RBM19: variants seen among roughly 807,000 people sequenced by gnomAD.
RBM19 encodes the protein RNA binding motif protein 19.
In RBM19, 94 loss-of-function variants were observed where a neutral mutation model predicts 116.8. The observed-to-expected ratio is 0.80, with a 90% confidence interval of 0.68 to 0.95. The LOEUF is 0.95. RBM19 is among the 40% of genes least tolerant of loss of function. The probability of loss-of-function intolerance (pLI) is 0.00; values close to 1 mark genes in which losing one functional copy is unlikely to be tolerated. For synonymous variants in RBM19, 475 were observed against 494.1 expected, an observed-to-expected ratio of 0.96 and a Z score of 0.51; for missense variants, 1,161 against 1,220.7, an observed-to-expected ratio of 0.95 and a Z score of 0.73.
chr12:113,877,633 G>T (rs2135781615), intron 21 of RBM19, among the ~76,000 whole-genome samples: 1 of 152,350 alleles, frequency 6.6e-6, no homozygotes, highest in South Asian at 2.1e-4. Flanking sequence ...AGGAAGTGCT[G>T]AAGGGAAGAT....
chr12:113,953,323 A>T lies in RBM19; in HGVS notation c.922-733T>A, dbSNP rs148204056. Among the ~76,000 whole-genome samples the T allele has an allele frequency of 4.0e-3, 603 of 152,326 alleles. 13 individuals are homozygous for T. Among genetic ancestry groups the T allele is most frequent in the Admixed American group, 0.036 (545 of 15,298 alleles). On this transcript the variant is annotated intron_variant, in intron 7 of 23. Coordinates refer to ENST00000261741, the MANE Select transcript of RBM19 (RefSeq NM_016196.4). ...GCCAACATGGTGAAACGCTGTCTCT[A>T]CTAAAAATACAAAAATTAGCTGGAC...
At chr12:113,856,314 G>C (rs1461008722) in intron 22 of RBM19, among the ~76,000 whole-genome samples, 1 of 152,194 alleles carries the variant, frequency 6.6e-6, no homozygotes, top group African/African-American at 2.4e-5. Context: ...CGAGCCACCT[G>C]GGCACTTGGT....
intron 21 of RBM19, among the ~76,000 whole-genome samples, chr12:113,880,643 C>T (rs1220173366): frequency 6.6e-6 from 1 of 152,166 alleles, no homozygotes; most frequent in Non-Finnish European, 1.5e-5. Flanking sequence ...CTCTGCTAGC[C>T]TCCCGTCAGA....
chr12:113,962,458 C>G (rs753109112), intron 1 of RBM19, 44 bp from the exon 2 acceptor site: 38 of 1,572,556 alleles, frequency 2.4e-5, no homozygotes, highest in Admixed American at 6.7e-5. Flanking sequence ...GGAAAGTCCC[C>G]AGAGCAAGGG....
At position 113,903,515 on chromosome 12, in the gene RBM19, T is replaced by C. The variant is rs1218765346; in HGVS notation, c.2558+11454A>G. On this transcript the variant is annotated intron_variant, in intron 21 of 23. Coordinates refer to ENST00000261741, the MANE Select transcript of RBM19 (RefSeq NM_016196.4). This position sits in a 1 kb window ranked among gnomAD's most constrained non-coding sequence, Gnocchi z 5.1. ...TGGGTCATAGAGAAAGTGCACGTTT[T>C]ACTTTGTAAGAAACTGCCCACACTT... Among the ~76,000 whole-genome samples the C allele has an allele frequency of 6.6e-6, 1 of 152,252 alleles. No individual in the cohort carries two copies. The highest frequency in any genetic ancestry group is 1.5e-5 in the Non-Finnish European group (1 of 68,048).
intron 13 of RBM19, among the ~76,000 whole-genome samples, 193 bp from the exon 14 acceptor site, chr12:113,942,627 G>A (rs978942300): frequency 1.3e-5 from 2 of 148,744 alleles, no homozygotes; most frequent in Non-Finnish European, 3.0e-5. Flanking sequence ...GAAGGACAGG[G>A]TCTCACTCTG....
chr12:113,846,927 G>A (rs559507437), intron 22 of RBM19, among the ~76,000 whole-genome samples: 9 of 152,118 alleles, frequency 5.9e-5, no homozygotes, highest in Non-Finnish European at 1.3e-4. Flanking sequence ...TGCCCAGGCT[G>A]GTCTTGAACT....
chr12:113,878,735 C>T (rs776865981), intron 21 of RBM19, among the ~76,000 whole-genome samples: 13 of 147,148 alleles, frequency 8.8e-5, no homozygotes, highest in South Asian at 2.2e-4. Flanking sequence ...GTCACCTATG[C>T]GGAGGCCCAT....
At chr12:113,864,729 A>G (rs372514339) in intron 21 of RBM19, among the ~76,000 whole-genome samples, 1 of 152,156 alleles carries the variant, frequency 6.6e-6, no homozygotes, top group African/African-American at 2.4e-5. Context: ...CTATCATCTA[A>G]AATTCTCACT....
intron 21 of RBM19, among the ~76,000 whole-genome samples, chr12:113,901,818 G>A (rs1881720487): frequency 6.6e-6 from 1 of 152,066 alleles, no homozygotes; most frequent in African/African-American, 2.4e-5. Flanking sequence ...CCCAGCCCCA[G>A]GAATTCCTTC....
At chr12:113,830,782 C>T (rs1008271504) in intron 23 of RBM19, among the ~76,000 whole-genome samples, 3 of 152,154 alleles carry the variant, frequency 2.0e-5, no homozygotes, top group Admixed American at 6.5e-5. Context: ...TGGAGGAATC[C>T]CCCAAGTCTT....
chr12:113,918,326 G>A (rs1026496278), intron 20 of RBM19, 66 bp downstream of exon 20: 1 of 1,520,834 alleles, frequency 6.6e-7, no homozygotes, highest in South Asian at 1.1e-5. Context: ...AGCCTCCAGG[G>A]TGGCCGGCAC....
chr12:113,951,510 G>C (rs1359165830), intron 8 of RBM19, among the ~76,000 whole-genome samples: 1 of 150,272 alleles, frequency 6.7e-6, no homozygotes, highest in African/African-American at 2.5e-5. Context: ...TGGTGAGACA[G>C]GTTTACCTGA....
At chr12:113,931,097 T>C (rs1444084869) in intron 16 of RBM19, among the ~76,000 whole-genome samples, 1 of 152,240 alleles carries the variant, frequency 6.6e-6, no homozygotes, top group East Asian at 1.9e-4. Context: ...AAAAGGACGA[T>C]AATGTAATAA....
In RBM19 at chr12:113,903,746, T is replaced by C. The variant is rs1371901864; in HGVS notation, c.2558+11223A>G. Among the ~76,000 whole-genome samples, 1 of 152,270 alleles carries C rather than the reference T, an allele frequency of 6.6e-6. No homozygotes were observed. The highest frequency in any genetic ancestry group is 1.5e-5 in the Non-Finnish European group (1 of 68,050). ...TTGCTGTGAGTCAGAGCCCTGAATA[T>C]TCCTCTTGGGCATTCCTTTTGTAGG... is the stretch of plus-strand genomic sequence containing the variant. On this transcript the variant is annotated intron_variant, in intron 21 of 23. Transcript: ENST00000261741. This position sits in a 1 kb window ranked among gnomAD's most constrained non-coding sequence, Gnocchi z 5.1.
chr12:113,934,955 C>G (rs1869919225), intron 16 of RBM19, among the ~76,000 whole-genome samples: 1 of 152,202 alleles, frequency 6.6e-6, no homozygotes, highest in Admixed American at 6.5e-5. Context: ...TTCCCTATGC[C>G]TGGGCCCCCC....
chr12:113,949,825 T>A (rs967071178), intron 9 of RBM19, among the ~76,000 whole-genome samples: 1 of 152,182 alleles, frequency 6.6e-6, no homozygotes, highest in Non-Finnish European at 1.5e-5. Flanking sequence ...GTGCCTGCTG[T>A]GTGTTTCCCT....
chr12:113,904,934 T>A (rs1289069854), intron 21 of RBM19, among the ~76,000 whole-genome samples: 1 of 152,140 alleles, frequency 6.6e-6, no homozygotes, highest in East Asian at 1.9e-4. Context: ...TCTGCCATAG[T>A]CCTCACCAAA....
intron 21 of RBM19, among the ~76,000 whole-genome samples, chr12:113,861,256 C>A (rs1878343564): frequency 1.3e-5 from 2 of 152,206 alleles, no homozygotes; most frequent in African/African-American, 2.4e-5. Context: ...TGAGGTGAAG[C>A]AGGAAGGCCC....
Sources: allele counts gnomAD v4.1 joint callset (sites outside exome capture counted in the v4.1 genomes callset), GRCh38; gene constraint gnomAD v4.1.1; non-coding constraint Gnocchi (gnomAD v3.1); transcripts MANE v1.5; gene names NCBI Gene and HGNC (gene_info 2026-07-23, HGNC 2026-07-21).